The following WDPCP variants were observed in gnomAD, a reference collection of about 807,000 sequenced individuals.
The protein encoded by WDPCP is WD repeat-containing and planar cell polarity effector protein fritz homolog.
A neutral mutation model predicts 93.1 loss-of-function variants in WDPCP; 71 were observed. The ratio of observed to expected loss-of-function variants is 0.76; its 90% CI spans 0.63 to 0.93. The LOEUF (loss-of-function observed/expected upper bound fraction) is 0.93. WDPCP is among the 40% of genes least tolerant of loss of function. The pLI, the probability that WDPCP is intolerant of heterozygous loss-of-function variation, is 0.00. For missense variants in WDPCP, 844 were observed against 887.4 expected, an observed-to-expected ratio of 0.95 and a Z score of 0.62; for synonymous variants, 315 against 315.0, an observed-to-expected ratio of 1.00 and a Z score of 0.00.
intron 2 of WDPCP, among the ~76,000 whole-genome samples, chr2:63,657,407 C>T (rs1331019300): frequency 2.0e-5 from 3 of 151,944 alleles, no homozygotes; most frequent in African/African-American, 4.8e-5. Context: ...GGGGTTTCAC[C>T]GTGTTAGCCC....
chr2:63,823,908 C>G (rs566665292), intron 1 of WDPCP, among the ~76,000 whole-genome samples: 5 of 152,178 alleles, frequency 3.3e-5, no homozygotes, highest in Admixed American at 3.3e-4. Context: ...CATGGTGGCA[C>G]ATGCCTGGTA....
At chr2:63,231,124 T>A (rs1678834101) in intron 14 of WDPCP, among the ~76,000 whole-genome samples, 1 of 152,088 alleles carries the variant, frequency 6.6e-6, no homozygotes. Context: ...ATCCATCATA[T>A]AAACAGAACC....
intron 13 of WDPCP, among the ~76,000 whole-genome samples, chr2:63,265,018 AC>A (rs1559261905): frequency 6.6e-6 from 1 of 152,204 alleles, no homozygotes. Flanking sequence ...AAAAATGAAA[AC>A]ACAATATACC....
chr2:63,153,166 A>T, intron 16 of WDPCP: 1 of 589,722 alleles, frequency 1.7e-6, no homozygotes, highest in East Asian at 2.8e-5. Context: ...TTTACTATGT[A>T]CAGTATATAC....
At chr2:63,185,949 A>C (rs1482492464) in intron 14 of WDPCP, among the ~76,000 whole-genome samples, 1 of 151,824 alleles carries the variant, frequency 6.6e-6, no homozygotes, top group African/African-American at 2.4e-5. Context: ...GAATGCAACC[A>C]CTATCTCTGA....
intron 3 of WDPCP, among the ~76,000 whole-genome samples, chr2:63,620,025 C>T (rs929872086): frequency 3.3e-5 from 5 of 152,186 alleles, no homozygotes; most frequent in Non-Finnish European, 2.9e-5. Context: ...CTTTGCAACC[C>T]ATAGACCAGG....
chr2:63,803,006 T>C (rs897055362), intron 2 of WDPCP, among the ~76,000 whole-genome samples: 3 of 152,220 alleles, frequency 2.0e-5, no homozygotes, highest in African/African-American at 7.2e-5. Flanking sequence ...AGCTCCTTTA[T>C]AGCATTTCTA....
chr2:63,771,028 T>A (rs1485123665), intron 2 of WDPCP, among the ~76,000 whole-genome samples: 1 of 151,710 alleles, frequency 6.6e-6, no homozygotes, highest in African/African-American at 2.4e-5. Context: ...ATAAATATTT[T>A]AAATTTTTCA....
At chr2:63,412,094 C>G (rs556209315) in intron 9 of WDPCP, among the ~76,000 whole-genome samples, 1 of 152,132 alleles carries the variant, frequency 6.6e-6, no homozygotes, top group Non-Finnish European at 1.5e-5. Flanking sequence ...AACTACAGAC[C>G]GATATCCTTG....
chr2:63,282,842 T>C (rs1010076995), intron 13 of WDPCP, among the ~76,000 whole-genome samples: 2 of 152,318 alleles, frequency 1.3e-5, no homozygotes, highest in Admixed American at 6.5e-5. Flanking sequence ...ATGTCCTTTA[T>C]ATAAAATGGC....
chr2:63,786,153 C>T (rs1024869975), intron 2 of WDPCP, among the ~76,000 whole-genome samples: 1 of 152,056 alleles, frequency 6.6e-6, no homozygotes, highest in African/African-American at 2.4e-5. Context: ...AATCCTTTTA[C>T]CTTAGCCTCA....
chr2:63,223,377 T>C (rs888121439), intron 14 of WDPCP, among the ~76,000 whole-genome samples: 1 of 152,152 alleles, frequency 6.6e-6, no homozygotes, highest in Non-Finnish European at 1.5e-5. Context: ...AATCCCGAGA[T>C]AGCATATTGT....
At chr2:63,385,858 A>G (rs1692690391) in intron 10 of WDPCP, among the ~76,000 whole-genome samples, 1 of 151,950 alleles carries the variant, frequency 6.6e-6, no homozygotes, top group Non-Finnish European at 1.5e-5. Context: ...CTTACTGTAA[A>G]GCCACTTACT....
chr2:63,154,460 A>G (rs1031157661), intron 15 of WDPCP, among the ~76,000 whole-genome samples: 22 of 152,174 alleles, frequency 1.4e-4, no homozygotes, highest in African/African-American at 4.8e-4. Context: ...TATTCATCCA[A>G]GTTGTTAAAC....
At chr2:63,430,622 G>A (rs1233486986) in intron 9 of WDPCP, among the ~76,000 whole-genome samples, 1 of 152,156 alleles carries the variant, frequency 6.6e-6, no homozygotes, top group African/African-American at 2.4e-5. Context: ...GGTGGCTCAT[G>A]CCTGTAATCC....
chr2:63,566,063 C>T lies in WDPCP; in HGVS notation c.75+22134G>A, dbSNP rs1382219234. On this transcript the variant is annotated intron_variant, in intron 1 of 17. Coordinates refer to ENST00000272321, the MANE Select transcript of WDPCP (RefSeq NM_015910.7). ...ATATAAAATGGATCCTTCTCTTCTC[C>T]AACCTCAAATTCTCCGAGAATTCCC... Among the ~76,000 whole-genome samples, 4 of 152,180 alleles carry T rather than the reference C, an allele frequency of 2.6e-5. No individual in the cohort carries two copies. In the South Asian group the frequency reaches 6.2e-4, roughly 24 times the overall value.
intron 2 of WDPCP, among the ~76,000 whole-genome samples, chr2:63,701,315 C>T (rs1669046793): frequency 2.0e-5 from 3 of 152,032 alleles, no homozygotes; most frequent in Non-Finnish European, 4.4e-5. Flanking sequence ...GATCTCTCAC[C>T]CCAATTAAAA....
chr2:63,235,455 T>C (rs971933700), intron 14 of WDPCP, among the ~76,000 whole-genome samples: 17 of 152,162 alleles, frequency 1.1e-4, no homozygotes, highest in African/African-American at 4.1e-4. Context: ...CTGAAACTAT[T>C]CCAGAAATTA....
chr2:63,617,363 C>T (rs745787343), intron 3 of WDPCP, among the ~76,000 whole-genome samples: 36 of 152,236 alleles, frequency 2.4e-4, no homozygotes, highest in African/African-American at 7.0e-4. Context: ...TTATTTCATA[C>T]GTGTTTGAGA....
Sources: allele counts gnomAD v4.1 joint callset (sites outside exome capture counted in the v4.1 genomes callset), GRCh38; gene constraint gnomAD v4.1.1; transcripts MANE v1.5; gene names NCBI Gene and HGNC (gene_info 2026-07-23, HGNC 2026-07-21).